Variants in ANO3 observed in about 807,000 individuals in gnomAD.
ANO3 encodes anoctamin 3.
ANO3 carries 99 observed loss-of-function variants against 144.8 expected under a neutral mutation model. The ratio of observed to expected loss-of-function variants is 0.68; its 90% CI spans 0.58 to 0.81. ANO3 has a LOEUF of 0.81. ANO3 is among the 30% of genes least tolerant of loss of function. ANO3 has a pLI of 0.00. For synonymous variants in ANO3, 414 were observed against 392.6 expected (o/e 1.05, Z -0.64); for missense variants, 905 against 1,202.2 (o/e 0.75, Z 3.66).
rs1360276569 is a variant in ANO3 at position 26,647,796 on chromosome 11, C to A, written c.2516C>A (p.Pro839Gln). The change falls in exon 24 of 27, where the codon CCA (proline) becomes CAA (glutamine). Residue 839 changes from proline to glutamine, a missense_variant. Coordinates refer to ENST00000256737, the MANE Select transcript of ANO3 (RefSeq NM_031418.4). ...FVIAITSDYI[P>Q]RFVYEYKYGP... ...ATTGCTATTACTTCTGATTACATCC[C>A]ACGTTTTGTTTATGAATACAAATAT... 1 of 1,613,152 alleles carries A rather than the reference C, an allele frequency of 6.2e-7. No homozygotes were observed. Among genetic ancestry groups the A allele is most frequent in the Admixed American group, 1.7e-5 (1 of 59,980 alleles).
intron 7 of ANO3, among the ~76,000 whole-genome samples, chr11:26,530,469 C>T (rs1247688288): frequency 1.5e-5 from 1 of 68,218 alleles, no homozygotes; most frequent in Admixed American, 2.1e-4. Flanking sequence ...GTCTATCTAT[C>T]TATCTATCTA....
At chr11:26,506,785 C>G (rs1265811590) in intron 4 of ANO3, among the ~76,000 whole-genome samples, 1 of 152,176 alleles carries the variant, frequency 6.6e-6, no homozygotes, top group African/African-American at 2.4e-5. Context: ...TAGGGTGACT[C>G]TTTCTTGGAT....
upstream of ANO3, among the ~76,000 whole-genome samples, chr11:26,307,267 T>C (rs1854404585): frequency 6.6e-6 from 1 of 152,100 alleles, no homozygotes. Flanking sequence ...GGCAGGAGAA[T>C]CGCTTCAACC....
chr11:26,283,570 A>G (rs1201540432), intron 1 of ANO3, among the ~76,000 whole-genome samples: 3 of 151,900 alleles, frequency 2.0e-5, no homozygotes, highest in African/African-American at 4.8e-5. Context: ...TAGAGCACAT[A>G]CTTTGCTGGA....
At chr11:26,287,601 C>T (rs1277773600) in intron 1 of ANO3, 1 of 152,168 alleles carries the variant, frequency 6.6e-6, no homozygotes, top group South Asian at 2.1e-4. Context: ...TAATGTCACT[C>T]ATTTACAGGT....
chr11:26,249,165 CT>C (rs978440399), intron 1 of ANO3, among the ~76,000 whole-genome samples: 1 of 152,160 alleles, frequency 6.6e-6, no homozygotes, highest in Admixed American at 6.5e-5. Flanking sequence ...GACTGATTGC[CT>C]GGCTTTGCCG....
At chr11:26,537,026 T>C (rs542546739) in intron 9 of ANO3, among the ~76,000 whole-genome samples, 271 of 149,460 alleles carry the variant, frequency 1.8e-3, no homozygotes, top group African/African-American at 6.3e-3. Context: ...TTTTTTTTGG[T>C]AGGGGACGGG....
At position 26,630,513 on chromosome 11, in the gene ANO3, A is replaced by G. The variant is rs189461979; in HGVS notation, c.1874-3691A>G. Among the ~76,000 whole-genome samples, 9 of 152,352 alleles carry G rather than the reference A, an allele frequency of 5.9e-5. No individual in the cohort carries two copies. The East Asian group carries it at 1.7e-3, about 29-fold the overall frequency. ...AATCCTGTTTTAGGATATCCAAACT[A>G]TCCAAACACTTTTCTTGTGTACATG... is the stretch of plus-strand genomic sequence containing the variant. On this transcript the variant is annotated intron_variant, in intron 18 of 26. Transcript: ENST00000256737.
chr11:26,406,075 C>T (rs6484205), intron 1 of ANO3, among the ~76,000 whole-genome samples: 145,110 of 152,018 alleles, frequency 0.95, 69,415 homozygotes, highest in East Asian at 1. Context: ...ACTATTGTCA[C>T]AGTCCATTTG....
intron 3 of ANO3, among the ~76,000 whole-genome samples, chr11:26,453,626 T>A (rs1257019108): frequency 6.6e-6 from 1 of 152,036 alleles, no homozygotes. Context: ...CACACATTAA[T>A]AATGGGAGAC....
chr11:26,544,352 A>G (rs973643334), intron 11 of ANO3, among the ~76,000 whole-genome samples: 1 of 147,670 alleles, frequency 6.8e-6, no homozygotes. Flanking sequence ...TACAAATGCT[A>G]CATAATCTCC....
At chr11:26,510,950 G>A (rs1338693230) in intron 5 of ANO3, among the ~76,000 whole-genome samples, 1 of 152,180 alleles carries the variant, frequency 6.6e-6, no homozygotes, top group African/African-American at 2.4e-5. Flanking sequence ...CTTTGTTTAG[G>A]TTGAATCTCA....
At chr11:26,508,319 A>C (rs777996331) in intron 5 of ANO3, 57 bp downstream of exon 5, 1 of 1,485,786 alleles carries the variant, frequency 6.7e-7, no homozygotes, top group South Asian at 1.4e-5. Context: ...AGATATAATC[A>C]CTTATGGTTT....
intron 14 of ANO3, among the ~76,000 whole-genome samples, chr11:26,564,238 A>C (rs1407451123): frequency 6.6e-6 from 1 of 151,720 alleles, no homozygotes; most frequent in South Asian, 2.1e-4. Context: ...TGTTAAAATC[A>C]TAGTTAAATG....
At chr11:26,326,864 A>T (rs1474186330) in intron 1 of ANO3, among the ~76,000 whole-genome samples, 1 of 152,172 alleles carries the variant, frequency 6.6e-6, no homozygotes, top group Non-Finnish European at 1.5e-5. Context: ...CAATTCACCA[A>T]AATAAGGTAA....
intron 17 of ANO3, among the ~76,000 whole-genome samples, chr11:26,603,124 A>G (rs1315463563): frequency 6.6e-6 from 1 of 152,190 alleles, no homozygotes; most frequent in Non-Finnish European, 1.5e-5. Flanking sequence ...TAAAGAAATA[A>G]TGCTTCCTGG....
At chr11:26,594,885 C>T (rs900677039) in intron 14 of ANO3, among the ~76,000 whole-genome samples, 5 of 152,136 alleles carry the variant, frequency 3.3e-5, no homozygotes, top group South Asian at 2.1e-4. Flanking sequence ...TATATACTTC[C>T]CTCAGGGGGC....
intron 24 of ANO3, among the ~76,000 whole-genome samples, chr11:26,651,958 C>T (rs1342220510): frequency 1.3e-5 from 2 of 152,068 alleles, no homozygotes; most frequent in African/African-American, 2.4e-5. Context: ...CATTCTTGCC[C>T]CTCCCCTTTC....
rs77896442 is a variant in ANO3 at position 26,559,387 on chromosome 11, A to G, written c.1387-332A>G. The G allele has an allele frequency of 2.8e-3, 539 of 191,068 alleles. 3 individuals carry two copies. The highest frequency in any genetic ancestry group is 0.012 in the African/African-American group (504 of 43,034). The allele number at this position is 191,068 out of a possible 1,614,324, so 11.8% of individuals were successfully genotyped here. A position where few individuals can be genotyped will look rare whatever the true frequency, so the allele number is the denominator to read the frequency against. On this transcript the variant is annotated intron_variant, in intron 13 of 26. Coordinates refer to ENST00000256737, the MANE Select transcript of ANO3 (RefSeq NM_031418.4). The stretch of plus-strand genomic sequence containing the variant: ...ATGCCTCACCTGAAAAACTAATTTC[A>G]TACAACTTTCATTAAGTAGTTTGAC...
Sources: gnomAD v4.1 joint callset for allele counts (sites outside exome capture counted in the v4.1 genomes callset) on GRCh38, gnomAD v4.1.1 for gene constraint, MANE v1.5 for transcripts, NCBI Gene and HGNC (gene_info 2026-07-23, HGNC 2026-07-21) for gene names.